The following ALK variants were observed in gnomAD, a reference collection of about 807,000 sequenced individuals.
ALK encodes ALK tyrosine kinase receptor.
Under a neutral mutation model 163.1 loss-of-function variants are expected in ALK, and 74 were observed. The observed-to-expected ratio is 0.45, with a 90% CI of 0.38 to 0.55. The LOEUF (loss-of-function observed/expected upper bound fraction) is 0.55, where lower values mean the gene tolerates loss of function less well. ALK is among the 20% of genes least tolerant of loss of function. The pLI, the probability that ALK is intolerant of heterozygous loss-of-function variation, is 0.00. For synonymous variants in ALK, 960 were observed against 843.2 expected, an observed-to-expected ratio of 1.14 and a Z score of -2.40; for missense variants, 2,063 against 2,105.3, an observed-to-expected ratio of 0.98 and a Z score of 0.39.
At chr2:29,342,594 T>C (rs987333896) in intron 5 of ALK, among the ~76,000 whole-genome samples, 2 of 152,232 alleles carry the variant, frequency 1.3e-5, no homozygotes, top group African/African-American at 4.8e-5. Flanking sequence ...TTTTATGTTA[T>C]ATTTTAGAGC....
chr2:29,288,026 A>G (rs868332795), intron 9 of ALK, among the ~76,000 whole-genome samples: 12 of 137,286 alleles, frequency 8.7e-5, no homozygotes, highest in Admixed American at 1.4e-4. Context: ...TGCACCTGGC[A>G]TTGTTGGGTT....
At chr2:29,202,809 G>A (rs1669215947) in intron 26 of ALK, among the ~76,000 whole-genome samples, 1 of 152,142 alleles carries the variant, frequency 6.6e-6, no homozygotes, top group Non-Finnish European at 1.5e-5. Flanking sequence ...GTTGGGTTGG[G>A]TTTTGTTTTT....
intron 5 of ALK, among the ~76,000 whole-genome samples, chr2:29,379,127 T>C (rs1668832096): frequency 6.6e-6 from 1 of 152,202 alleles, no homozygotes; most frequent in African/African-American, 2.4e-5. Flanking sequence ...CGTGATCCTA[T>C]TGCTCTGGGT....
chr2:29,885,235 C>A (rs1666957383), intron 1 of ALK, among the ~76,000 whole-genome samples: 1 of 152,146 alleles, frequency 6.6e-6, no homozygotes, highest in South Asian at 2.1e-4. Context: ...AATGAAGGCA[C>A]TGAAGTATTC....
chr2:29,647,437 G>GTCTT (rs1347914069), intron 3 of ALK, among the ~76,000 whole-genome samples: 1 of 152,056 alleles, frequency 6.6e-6, no homozygotes, highest in Non-Finnish European at 1.5e-5. Flanking sequence ...CCCATTCTTA[G>GTCTT]TCTTTCTCCC....
intron 5 of ALK, among the ~76,000 whole-genome samples, chr2:29,350,701 T>C (rs902014894): frequency 6.6e-6 from 1 of 152,198 alleles, no homozygotes; most frequent in African/African-American, 2.4e-5. Context: ...ACTGAGCAAG[T>C]CCCACTGGAC....
At chr2:29,452,158 T>G (rs1163892998) in intron 4 of ALK, among the ~76,000 whole-genome samples, 2 of 152,146 alleles carry the variant, frequency 1.3e-5, no homozygotes, top group Non-Finnish European at 2.9e-5. Flanking sequence ...GATTTGGTTC[T>G]TCCTACTTCC....
At chr2:29,653,130 C>T (rs1368686540) in intron 3 of ALK, among the ~76,000 whole-genome samples, 1 of 152,130 alleles carries the variant, frequency 6.6e-6, no homozygotes, top group Non-Finnish European at 1.5e-5. Context: ...GGAGGATACC[C>T]AGCTGGTGTT....
At chr2:29,327,591 C>T (rs531882143) in intron 6 of ALK, among the ~76,000 whole-genome samples, 7 of 152,244 alleles carry the variant, frequency 4.6e-5, no homozygotes, top group Non-Finnish European at 1.0e-4. Context: ...AGAGATACTA[C>T]AGGTTCCTTT....
chr2:29,452,470 A>G (rs1322899699), intron 4 of ALK, among the ~76,000 whole-genome samples: 1 of 151,928 alleles, frequency 6.6e-6, no homozygotes, highest in East Asian at 1.9e-4. Flanking sequence ...TAACGCTTTC[A>G]TTAAAGTCAT....
At chr2:29,406,785 G>A (rs1176966207) in intron 4 of ALK, among the ~76,000 whole-genome samples, 1 of 151,568 alleles carries the variant, frequency 6.6e-6, no homozygotes, top group African/African-American at 2.4e-5. Flanking sequence ...CTGTAATCCC[G>A]CTACTTCGGA....
chr2:29,574,699 C>T (rs1573468441), intron 3 of ALK, among the ~76,000 whole-genome samples: 1 of 152,326 alleles, frequency 6.6e-6, no homozygotes, highest in East Asian at 1.9e-4. Flanking sequence ...TGAGGCAGGG[C>T]CTCCTGCGGG....
intron 8 of ALK, among the ~76,000 whole-genome samples, chr2:29,303,426 T>C (rs1666424022): frequency 6.6e-6 from 1 of 152,238 alleles, no homozygotes; most frequent in Non-Finnish European, 1.5e-5. Context: ...GCTTACACAC[T>C]GTTGGTTGGA....
At chr2:29,385,162 T>A (rs956606234) in intron 4 of ALK, among the ~76,000 whole-genome samples, 2 of 151,836 alleles carry the variant, frequency 1.3e-5, no homozygotes, top group East Asian at 1.9e-4. Context: ...GGTATGGCAG[T>A]ACAAGTGGTA....
chr2:29,749,206 G>A (rs1680286468), intron 1 of ALK, among the ~76,000 whole-genome samples: 2 of 152,178 alleles, frequency 1.3e-5, no homozygotes, highest in South Asian at 4.2e-4. Context: ...TTCTGATTCA[G>A]TAGGTCTGGG....
intron 1 of ALK, among the ~76,000 whole-genome samples, chr2:29,788,083 A>G (rs72788237): frequency 0.03 from 4,563 of 152,336 alleles, 83 homozygotes; most frequent in East Asian, 0.08. Context: ...TAAGAGATGT[A>G]CCTCACAGCC....
At chr2:29,418,162 C>T (rs574035489) in intron 4 of ALK, among the ~76,000 whole-genome samples, 3 of 152,274 alleles carry the variant, frequency 2.0e-5, no homozygotes, top group African/African-American at 7.2e-5. Flanking sequence ...GCTAGATTTC[C>T]CAGTCCATGA....
At chr2:29,669,692 T>G (rs1677624079) in intron 3 of ALK, among the ~76,000 whole-genome samples, 1 of 152,054 alleles carries the variant, frequency 6.6e-6, no homozygotes, top group African/African-American at 2.4e-5. Flanking sequence ...TTTCCCTTTG[T>G]GGTTAAGTGA....
rs184286754 is a variant in ALK at position 29,614,062 on chromosome 2, G to A, written c.952+80788C>T. Among the ~76,000 whole-genome samples the A allele has an allele frequency of 1.0e-3, 155 of 152,298 alleles. 4 individuals are homozygous for A. The highest frequency in any genetic ancestry group is 1.0e-2 in the Admixed American group (153 of 15,308). ...ACAGGAGACTCACCGGGGGCATCAG[G>A]ACTCAGAGAAAGTGAGGAGGAGCTG... On this transcript the variant is annotated intron_variant, in intron 3 of 28. Transcript: ENST00000389048.
Sources: gnomAD v4.1 joint callset for allele counts (sites outside exome capture counted in the v4.1 genomes callset) on GRCh38, gnomAD v4.1.1 for gene constraint, MANE v1.5 for transcripts, NCBI Gene and HGNC (gene_info 2026-07-23, HGNC 2026-07-21) for gene names.